FTO: variants seen among roughly 807,000 people sequenced by gnomAD.
FTO encodes FTO alpha-ketoglutarate dependent dioxygenase.
In FTO, 47 loss-of-function variants were observed where a neutral mutation model predicts 63.9. That is an observed-to-expected ratio of 0.74 (90% CI 0.58 to 0.94). FTO has a LOEUF of 0.94. Ranked by LOEUF, FTO falls within the 40% of genes least tolerant of loss-of-function variation. FTO has a pLI of 0.00. For missense variants in FTO, 562 were observed against 618.1 expected (o/e 0.91, Z 0.96); for synonymous variants, 207 against 224.4 (o/e 0.92, Z 0.69).
chr16:53,815,025 C>A (rs982020876), intron 2 of FTO, among the ~76,000 whole-genome samples: 15 of 152,026 alleles, frequency 9.9e-5, no homozygotes, highest in African/African-American at 3.6e-4. Flanking sequence ...AGGAAAAGCA[C>A]CCGAGGCCAA....
chr16:53,732,711 C>T (rs894599704), intron 1 of FTO, among the ~76,000 whole-genome samples: 1 of 152,098 alleles, frequency 6.6e-6, no homozygotes, highest in African/African-American at 2.4e-5. Context: ...ACATTGTTAC[C>T]GCTCATAATA....
At chr16:53,917,789 G>A (rs992517843) in intron 7 of FTO, among the ~76,000 whole-genome samples, 4 of 151,716 alleles carry the variant, frequency 2.6e-5, no homozygotes, top group African/African-American at 9.7e-5. Context: ...AATATGTGCC[G>A]AGTAGCAGGT....
chr16:53,820,958 A>G (rs1793577288), intron 2 of FTO, among the ~76,000 whole-genome samples: 3 of 152,160 alleles, frequency 2.0e-5, no homozygotes, highest in Non-Finnish European at 4.4e-5. Context: ...TGGGAAAAAA[A>G]TGGAATATTT....
intron 4 of FTO, among the ~76,000 whole-genome samples, chr16:53,855,172 A>T (rs2151841410): frequency 6.6e-6 from 1 of 152,180 alleles, no homozygotes; most frequent in African/African-American, 2.4e-5. Context: ...TTGTTTTTCA[A>T]ATCTAGGAGT....
At chr16:53,906,404 A>G (rs2081541220) in intron 7 of FTO, among the ~76,000 whole-genome samples, 1 of 152,216 alleles carries the variant, frequency 6.6e-6, no homozygotes, top group Admixed American at 6.5e-5. Context: ...AGATTAGCGA[A>G]TGAACAGGAA....
At chr16:53,921,545 C>T (rs936032596) in intron 7 of FTO, among the ~76,000 whole-genome samples, 6 of 152,066 alleles carry the variant, frequency 3.9e-5, no homozygotes, top group African/African-American at 1.5e-4. Context: ...GAATTAGGGG[C>T]ATGTGTGTGT....
chr16:53,889,069 C>G, intron 7 of FTO, 118 bp downstream of exon 7: 1 of 1,238,734 alleles, frequency 8.1e-7, no homozygotes, highest in Middle Eastern at 2.0e-4. Context: ...AAGTTAGATT[C>G]TTCTTGGTAA....
chr16:54,039,059 T>G (rs1261510913), intron 8 of FTO, among the ~76,000 whole-genome samples: 1 of 152,214 alleles, frequency 6.6e-6, no homozygotes. Flanking sequence ...CTGTTAACAC[T>G]GCTTTCTTTT....
rs183402282 is a variant in FTO at position 53,792,210 on chromosome 16, A to G, written c.46-17930A>G. ...TAAACCTCTAAAATAGTTACTAAAT[A>G]AGTTATTCTTTTAGGTATTTTTCTT... On this transcript the variant is annotated intron_variant, in intron 1 of 8. Transcript: ENST00000471389. Among the ~76,000 whole-genome samples the G allele has an allele frequency of 4.8e-3, 736 of 152,366 alleles. 3 individuals are homozygous for G. The highest frequency in any genetic ancestry group is 0.017 in the African/African-American group (697 of 41,598).
At chr16:54,087,984 A>G (rs977118482) in intron 8 of FTO, among the ~76,000 whole-genome samples, 7 of 152,216 alleles carry the variant, frequency 4.6e-5, no homozygotes, top group African/African-American at 1.2e-4. Flanking sequence ...CAGCTAAGGT[A>G]TTTAGTTCTA....
chr16:53,785,573 T>G (rs2077711663), intron 1 of FTO, among the ~76,000 whole-genome samples: 1 of 151,948 alleles, frequency 6.6e-6, no homozygotes, highest in Non-Finnish European at 1.5e-5. Context: ...GCCTACATGA[T>G]TTGAGAATGG....
intron 1 of FTO, among the ~76,000 whole-genome samples, chr16:53,802,046 G>A (rs2078241839): frequency 6.6e-6 from 1 of 152,302 alleles, no homozygotes; most frequent in South Asian, 2.1e-4. Context: ...TTACAGGTGT[G>A]AGCCACCACA....
chr16:53,752,333 T>G (rs1428506632), intron 1 of FTO, among the ~76,000 whole-genome samples: 1 of 152,016 alleles, frequency 6.6e-6, no homozygotes, highest in East Asian at 1.9e-4. Flanking sequence ...TATTGCAGGG[T>G]TGCACTTTAA....
intron 1 of FTO, among the ~76,000 whole-genome samples, chr16:53,778,904 A>G (rs1158183158): frequency 2.7e-5 from 4 of 150,634 alleles, no homozygotes; most frequent in Non-Finnish European, 5.9e-5. Flanking sequence ...AAAAATAATG[A>G]ATGACAAGTG....
At chr16:54,027,288 G>A (rs1429914904) in intron 8 of FTO, among the ~76,000 whole-genome samples, 4 of 152,232 alleles carry the variant, frequency 2.6e-5, no homozygotes, top group African/African-American at 9.6e-5. Context: ...TGAATTTTTG[G>A]GGTTGGCAAA....
intron 7 of FTO, among the ~76,000 whole-genome samples, chr16:53,910,684 C>CA (rs1336541248): frequency 6.6e-6 from 1 of 152,124 alleles, no homozygotes; most frequent in Non-Finnish European, 1.5e-5. Flanking sequence ...TACAGATGCG[C>CA]ACCACCATGC....
At chr16:53,972,082 C>G (rs1440856115) in intron 8 of FTO, among the ~76,000 whole-genome samples, 1 of 152,096 alleles carries the variant, frequency 6.6e-6, no homozygotes, top group Non-Finnish European at 1.5e-5. Context: ...CATATGGAGA[C>G]AGGGGTCCTA....
chr16:53,858,257 C>T (rs1460178662), intron 4 of FTO, among the ~76,000 whole-genome samples: 1 of 152,164 alleles, frequency 6.6e-6, no homozygotes, highest in East Asian at 1.9e-4. Context: ...CTGATGCCTT[C>T]TTTGACTGGA....
At chr16:54,067,293 G>T (rs2085756992) in intron 8 of FTO, among the ~76,000 whole-genome samples, 1 of 152,150 alleles carries the variant, frequency 6.6e-6, no homozygotes, top group Admixed American at 6.5e-5. Flanking sequence ...ACATGAACAG[G>T]TTGAATGCCA....
Sources: allele counts gnomAD v4.1 joint callset (sites outside exome capture counted in the v4.1 genomes callset), GRCh38; gene constraint gnomAD v4.1.1; transcripts MANE v1.5; gene names NCBI Gene and HGNC (gene_info 2026-07-23, HGNC 2026-07-21).